The following TMTC2 variants were observed in gnomAD, a reference collection of about 807,000 sequenced individuals.
The protein encoded by TMTC2 is protein O-mannosyl-transferase TMTC2.
A neutral mutation model predicts 82.4 loss-of-function variants in TMTC2; 43 were observed. The ratio of observed to expected loss-of-function variants is 0.52; its 90% CI spans 0.41 to 0.67. The LOEUF (loss-of-function observed/expected upper bound fraction) is 0.67. TMTC2 is among the 30% of genes least tolerant of loss of function. The pLI is 0.00. For missense variants in TMTC2, 919 were observed against 1,012.4 expected, an observed-to-expected ratio of 0.91 and a Z score of 1.25; for synonymous variants, 408 against 381.9, an observed-to-expected ratio of 1.07 and a Z score of -0.80.
intron 1 of TMTC2, among the ~76,000 whole-genome samples, chr12:82,703,719 C>G (rs2096075089): frequency 6.6e-6 from 1 of 151,884 alleles, no homozygotes; most frequent in African/African-American, 2.4e-5. Flanking sequence ...GATCTCCTGA[C>G]CTCGTGATCC....
intron 1 of TMTC2, among the ~76,000 whole-genome samples, chr12:82,723,504 G>T (rs1874305411): frequency 6.6e-6 from 1 of 152,148 alleles, no homozygotes; most frequent in Admixed American, 6.5e-5. Context: ...AGGTACTGGG[G>T]ATGGGACCTA....
At chr12:83,071,870 T>C (rs1883127306) in intron 11 of TMTC2, among the ~76,000 whole-genome samples, 1 of 152,190 alleles carries the variant, frequency 6.6e-6, no homozygotes, top group African/African-American at 2.4e-5. Context: ...TTCGTTTTCT[T>C]AGTGAGGTTA....
chr12:82,993,931 T>C (rs1270874739), intron 8 of TMTC2, among the ~76,000 whole-genome samples: 1 of 152,098 alleles, frequency 6.6e-6, no homozygotes, highest in Non-Finnish European at 1.5e-5. Flanking sequence ...ATGGGAGTTT[T>C]ATAAGGCTGT....
At chr12:82,824,431 C>A (rs1869292539) in intron 1 of TMTC2, among the ~76,000 whole-genome samples, 1 of 152,202 alleles carries the variant, frequency 6.6e-6, no homozygotes, top group Admixed American at 6.5e-5. Flanking sequence ...TGTTCTCTTA[C>A]CTACTGAAGT....
At chr12:82,750,788 T>C (rs964032224) in intron 1 of TMTC2, among the ~76,000 whole-genome samples, 3 of 152,206 alleles carry the variant, frequency 2.0e-5, no homozygotes, top group Admixed American at 1.3e-4. Flanking sequence ...ATGAGTGTTA[T>C]GACTTTTTCT....
At chr12:82,857,913 A>G (rs1871341570) in intron 2 of TMTC2, among the ~76,000 whole-genome samples, 1 of 152,234 alleles carries the variant, frequency 6.6e-6, no homozygotes, top group African/African-American at 2.4e-5. Flanking sequence ...AATTGTCTAT[A>G]ACGTGTATTT....
intron 1 of TMTC2, among the ~76,000 whole-genome samples, chr12:82,730,500 A>G (rs1464045140): frequency 1.3e-5 from 2 of 152,132 alleles, no homozygotes; most frequent in Non-Finnish European, 1.5e-5. Context: ...ACATGCTTCT[A>G]TGTCCACTTT....
At chr12:82,965,909 G>A in intron 6 of TMTC2, 165 bp downstream of exon 6, 2 of 663,670 alleles carry the variant, frequency 3.0e-6, no homozygotes, top group South Asian at 2.6e-5. Context: ...ACATTGGAAT[G>A]GTTTTTTGAT....
At chr12:82,822,602 C>CT (rs1869182226) in intron 1 of TMTC2, among the ~76,000 whole-genome samples, 1 of 152,154 alleles carries the variant, frequency 6.6e-6, no homozygotes, top group East Asian at 1.9e-4. Flanking sequence ...CAAGGTATCC[C>CT]TTGCTATACA....
chr12:82,696,748 C>T (rs1872807240), intron 1 of TMTC2, among the ~76,000 whole-genome samples: 1 of 152,080 alleles, frequency 6.6e-6, no homozygotes, highest in Non-Finnish European at 1.5e-5. Flanking sequence ...CAATACACTC[C>T]TGGCATGATG....
chr12:82,969,816 T>G (rs1369761568), intron 7 of TMTC2, among the ~76,000 whole-genome samples: 1 of 152,160 alleles, frequency 6.6e-6, no homozygotes, highest in African/African-American at 2.4e-5. Context: ...ACCAAGATGT[T>G]TGAGTAACAA....
intron 9 of TMTC2, among the ~76,000 whole-genome samples, chr12:83,031,115 TG>T (rs947999254): frequency 2.0e-5 from 3 of 152,178 alleles, no homozygotes; most frequent in East Asian, 1.9e-4. Context: ...ATTACACAGT[TG>T]TTTTTTTTCA....
intron 1 of TMTC2, among the ~76,000 whole-genome samples, chr12:82,717,037 C>T (rs1347584603): frequency 2.0e-5 from 3 of 152,056 alleles, no homozygotes; most frequent in Admixed American, 6.5e-5. Context: ...AGGGTGGAAG[C>T]TGATAGGGTG....
intron 1 of TMTC2, among the ~76,000 whole-genome samples, chr12:82,761,190 A>G (rs1876610161): frequency 6.6e-6 from 1 of 152,172 alleles, no homozygotes; most frequent in Admixed American, 6.5e-5. Context: ...GATCTTGATC[A>G]AGTTTGTTAG....
chr12:83,059,520 A>G (rs1376075977), intron 10 of TMTC2, among the ~76,000 whole-genome samples: 2 of 151,782 alleles, frequency 1.3e-5, no homozygotes, highest in Admixed American at 1.3e-4. Flanking sequence ...CTAGAGGGAA[A>G]ATTAATTTGT....
At chr12:83,028,990 T>C (rs1418851237) in intron 8 of TMTC2, among the ~76,000 whole-genome samples, 2 of 152,190 alleles carry the variant, frequency 1.3e-5, no homozygotes, top group Non-Finnish European at 2.9e-5. Flanking sequence ...ACTAAATTGA[T>C]AGAAGAAATG....
intron 1 of TMTC2, among the ~76,000 whole-genome samples, chr12:82,753,919 T>C (rs960136222): frequency 2.0e-5 from 3 of 152,214 alleles, no homozygotes; most frequent in African/African-American, 7.2e-5. Context: ...GGAGCTGTCA[T>C]TGAGTGGATT....
chr12:82,759,383 A>G (rs568220180), intron 1 of TMTC2: 1 of 152,370 alleles, frequency 6.6e-6, no homozygotes, highest in African/African-American at 2.4e-5. Flanking sequence ...CATCTTTAAA[A>G]TGTATCTTAA....
intron 3 of TMTC2, among the ~76,000 whole-genome samples, chr12:82,902,243 C>T (rs1874059142): frequency 8.0e-6 from 1 of 124,926 alleles, no homozygotes; most frequent in Non-Finnish European, 1.9e-5. Flanking sequence ...GGAAAACCCC[C>T]AAAAGTTTGG....
Sources: allele counts gnomAD v4.1 joint callset (sites outside exome capture counted in the v4.1 genomes callset), GRCh38; gene constraint gnomAD v4.1.1; transcripts MANE v1.5; gene names NCBI Gene and HGNC (gene_info 2026-07-23, HGNC 2026-07-21).